VRK1: variants seen among roughly 807,000 people sequenced by gnomAD.
The protein encoded by VRK1 is serine/threonine-protein kinase VRK1.
VRK1 carries 33 observed loss-of-function variants against 57.1 expected under a neutral mutation model. The observed-to-expected ratio is 0.58, with a 90% CI of 0.44 to 0.77. The LOEUF is 0.77. VRK1 is among the 30% of genes least tolerant of loss of function. The pLI is 0.00. For synonymous variants in VRK1, 137 were observed against 147.8 expected, an observed-to-expected ratio of 0.93 and a Z score of 0.53; for missense variants, 413 against 477.3, an observed-to-expected ratio of 0.87 and a Z score of 1.25.
intron 1 of VRK1, among the ~76,000 whole-genome samples, chr14:96,803,279 C>G (rs1387963835): frequency 6.6e-6 from 1 of 150,864 alleles, no homozygotes; most frequent in African/African-American, 2.4e-5. Context: ...TCAAGCGATT[C>G]TCTTGCCTCA....
At chr14:96,846,826 A>G (rs1244005487) in intron 4 of VRK1, among the ~76,000 whole-genome samples, 1 of 152,132 alleles carries the variant, frequency 6.6e-6, no homozygotes, top group Non-Finnish European at 1.5e-5. Flanking sequence ...ATTACATATT[A>G]TAAGTAATCT....
At chr14:96,808,030 TGTGTG>T (rs1885974518) in intron 1 of VRK1, among the ~76,000 whole-genome samples, 1 of 128,258 alleles carries the variant, frequency 7.8e-6, no homozygotes, top group Non-Finnish European at 1.9e-5. Context: ...TGTGTGTGTG[TGTGTG>T]TGTGTGTGTG....
chr14:96,798,613 A>C (rs1007511722), intron 1 of VRK1, among the ~76,000 whole-genome samples: 12 of 152,050 alleles, frequency 7.9e-5, no homozygotes, highest in Admixed American at 1.3e-4. Context: ...ATCTGTTGAG[A>C]CTGAAATTCA....
intron 1 of VRK1, among the ~76,000 whole-genome samples, chr14:96,815,887 GA>G (rs941971168): frequency 1.0e-3 from 148 of 141,814 alleles, no homozygotes; most frequent in Middle Eastern, 3.7e-3. Flanking sequence ...ACCCTGTCTG[GA>G]AAAAAAAAAA....
chr14:96,807,165 G>T (rs1024553971), intron 1 of VRK1, among the ~76,000 whole-genome samples: 5 of 152,286 alleles, frequency 3.3e-5, no homozygotes, highest in Admixed American at 3.3e-4. Flanking sequence ...ATCATCTCTG[G>T]TTGAGAACCA....
intron 12 of VRK1, among the ~76,000 whole-genome samples, chr14:96,876,494 C>G (rs1889037254): frequency 2.0e-5 from 3 of 151,934 alleles, no homozygotes. Flanking sequence ...ACATAGAAAC[C>G]CCATCTCTAA....
At chr14:96,852,602 C>G (rs1887993756) in intron 5 of VRK1, among the ~76,000 whole-genome samples, 1 of 152,142 alleles carries the variant, frequency 6.6e-6, no homozygotes, top group Non-Finnish European at 1.5e-5. Context: ...TCTCTTGAAA[C>G]TAGCTGCGAC....
chr14:96,876,802 CAAAA>C (rs953717814), intron 12 of VRK1, among the ~76,000 whole-genome samples: 8 of 140,644 alleles, frequency 5.7e-5, no homozygotes, highest in Non-Finnish European at 1.1e-4. Flanking sequence ...CACAAAAAAA[CAAAA>C]AAAACAAGGT....
chr14:96,836,338 TC>T (rs1887210944), intron 2 of VRK1, among the ~76,000 whole-genome samples: 1 of 152,024 alleles, frequency 6.6e-6, no homozygotes, highest in African/African-American at 2.4e-5. Context: ...CTAACCCTCT[TC>T]CAATGGCTCC....
rs1454093006 is a variant in VRK1 at position 96,829,330 on chromosome 14, G to A, written c.-5-4137G>A. On this transcript the variant is annotated intron_variant, in intron 1 of 12. Coordinates refer to ENST00000216639, the MANE Select transcript of VRK1 (RefSeq NM_003384.3). ...ATAGGAGCAATAATCATTTTGTTAA[G>A]GAACCTGGTTTCTTTTCATGGGAAG... 2.0e-5 allele frequency among the ~76,000 whole-genome samples: 3 copies of A among 151,692 alleles called. No homozygotes were observed. The East Asian group carries it at 5.8e-4, about 29-fold the overall frequency.
intron 1 of VRK1, among the ~76,000 whole-genome samples, chr14:96,824,705 G>A (rs1225034037): frequency 3.3e-5 from 5 of 149,802 alleles, no homozygotes; most frequent in South Asian, 2.1e-4. Context: ...CCAGCCTGGA[G>A]TGCAGTGGCG....
chr14:96,798,420 C>T (rs866115503), intron 1 of VRK1, among the ~76,000 whole-genome samples: 4 of 152,306 alleles, frequency 2.6e-5, no homozygotes, highest in Middle Eastern at 6.8e-3. Flanking sequence ...TCAAGTCACT[C>T]ATTTTTGTTT....
intron 1 of VRK1, among the ~76,000 whole-genome samples, chr14:96,810,947 T>A (rs1057290522): frequency 1.3e-5 from 2 of 151,074 alleles, no homozygotes; most frequent in Non-Finnish European, 2.9e-5. Flanking sequence ...TTTTTTTTAA[T>A]TTTTTTTTGA....
intron 5 of VRK1, among the ~76,000 whole-genome samples, chr14:96,848,176 G>A (rs1016657428): frequency 6.6e-6 from 1 of 152,084 alleles, no homozygotes; most frequent in Non-Finnish European, 1.5e-5. Context: ...TCTTGGTTTT[G>A]TTCTCTGTTA....
At position 96,833,684 on chromosome 14, in the gene VRK1, A is replaced by T. The variant is rs1209346828; in HGVS notation, c.160+53A>T. The T allele has an allele frequency of 5.6e-6, 9 of 1,611,092 alleles. No homozygotes were observed. The East Asian group carries it at 8.9e-5, about 16-fold the overall frequency. Reference sequence around the variant, plus strand: ...AATCCAAAGATTTATATGTTTTCTTATGAAAATGGTTTCTCATTTATGAGC... The same window carrying T: ...AATCCAAAGATTTATATGTTTTCTTTTGAAAATGGTTTCTCATTTATGAGC... On this transcript the variant is annotated intron_variant, in intron 2 of 12. Coordinates refer to ENST00000216639, the MANE Select transcript of VRK1 (RefSeq NM_003384.3).
intron 11 of VRK1, among the ~76,000 whole-genome samples, chr14:96,863,202 C>T (rs913564701): frequency 1.3e-5 from 2 of 152,208 alleles, no homozygotes; most frequent in Non-Finnish European, 2.9e-5. Flanking sequence ...AAGTATACAT[C>T]TGCCCTTAAA....
At chr14:96,807,812 A>G (rs1430159148) in intron 1 of VRK1, among the ~76,000 whole-genome samples, 1 of 152,162 alleles carries the variant, frequency 6.6e-6, no homozygotes, top group Non-Finnish European at 1.5e-5. Context: ...ACTTTTAAAG[A>G]TATTTTGGAA....
chr14:96,807,479 C>A (rs527876446), intron 1 of VRK1, among the ~76,000 whole-genome samples: 1 of 152,292 alleles, frequency 6.6e-6, no homozygotes, highest in Non-Finnish European at 1.5e-5. Context: ...TCATTTTAAA[C>A]TGTAGTGCTT....
chr14:96,840,625 T>C (rs532155910), intron 3 of VRK1, among the ~76,000 whole-genome samples: 21 of 152,304 alleles, frequency 1.4e-4, no homozygotes, highest in African/African-American at 4.3e-4. Context: ...AATATTAAAA[T>C]CTATGGGTAA....
Sources: allele counts gnomAD v4.1 joint callset (sites outside exome capture counted in the v4.1 genomes callset), GRCh38; gene constraint gnomAD v4.1.1; transcripts MANE v1.5; gene names NCBI Gene and HGNC (gene_info 2026-07-23, HGNC 2026-07-21).